The following EDAR variants were observed in gnomAD, a reference collection of about 807,000 sequenced individuals.
EDAR encodes tumor necrosis factor receptor superfamily member EDAR.
Under a neutral mutation model 51.3 loss-of-function variants are expected in EDAR, and 38 were observed. The ratio of observed to expected loss-of-function variants is 0.74; its 90% CI spans 0.57 to 0.97. EDAR has a LOEUF of 0.97. Ranked by LOEUF, EDAR falls within the 50% of genes least tolerant of loss-of-function variation. The pLI, the probability that EDAR is intolerant of heterozygous loss-of-function variation, is 0.00. For missense variants in EDAR, 528 were observed against 595.0 expected (o/e 0.89, Z 1.17); for synonymous variants, 227 against 242.1 (o/e 0.94, Z 0.58).
intron 4 of EDAR, among the ~76,000 whole-genome samples, chr2:108,928,580 G>A (rs1697301906): frequency 6.6e-6 from 1 of 152,190 alleles, no homozygotes; most frequent in Non-Finnish European, 1.5e-5. Flanking sequence ...ATGATGTGTT[G>A]TGGCCACTAG....
At chr2:108,917,501 T>C (rs1020625523) in intron 5 of EDAR, among the ~76,000 whole-genome samples, 2 of 152,192 alleles carry the variant, frequency 1.3e-5, no homozygotes, top group African/African-American at 2.4e-5. Context: ...TATACATGTA[T>C]GGAAATTTCA....
chr2:108,952,186 G>A (rs748896376), intron 1 of EDAR, among the ~76,000 whole-genome samples: 46 of 152,194 alleles, frequency 3.0e-4, no homozygotes, highest in Non-Finnish European at 4.3e-4. Flanking sequence ...AGAATTTCAG[G>A]TATGAGCACC....
intron 5 of EDAR, among the ~76,000 whole-genome samples, chr2:108,919,525 A>G (rs1417023640): frequency 1.3e-5 from 2 of 151,900 alleles, no homozygotes; most frequent in Non-Finnish European, 2.9e-5. Flanking sequence ...CGCCCAGCTA[A>G]TTTTGTATTT....
At chr2:108,920,455 A>G (rs935717202) in intron 5 of EDAR, among the ~76,000 whole-genome samples, 8 of 152,220 alleles carry the variant, frequency 5.3e-5, no homozygotes, top group Non-Finnish European at 1.2e-4. Context: ...ACAGAAAACC[A>G]GAAAGCTCTG....
At chr2:108,911,234 G>A (rs1199912436) in intron 6 of EDAR, among the ~76,000 whole-genome samples, 162 bp from the exon 7 acceptor site, 3 of 152,024 alleles carry the variant, frequency 2.0e-5, no homozygotes, top group Admixed American at 6.6e-5. Context: ...AATCCTCCGC[G>A]CTGGTTTTGG....
chr2:108,978,827 G>A (rs1338344211), intron 1 of EDAR, among the ~76,000 whole-genome samples: 1 of 152,170 alleles, frequency 6.6e-6, no homozygotes, highest in Non-Finnish European at 1.5e-5. Flanking sequence ...CAATGAAGTT[G>A]TTAGCACAGC....
At chr2:108,898,298 T>C (rs4676219) in intron 11 of EDAR, among the ~76,000 whole-genome samples, 138,738 of 151,704 alleles carry the variant, frequency 0.91, 63,512 homozygotes, top group East Asian at 1. Flanking sequence ...TAAAAACTCC[T>C]CTGCCCCCGT....
At chr2:108,955,717 A>G (rs1470235089) in intron 1 of EDAR, among the ~76,000 whole-genome samples, 1 of 150,882 alleles carries the variant, frequency 6.6e-6, no homozygotes, top group Non-Finnish European at 1.5e-5. Context: ...AAAAATAAAT[A>G]AATACAATAA....
intron 1 of EDAR, among the ~76,000 whole-genome samples, chr2:108,947,432 A>T (rs1027572344): frequency 6.6e-6 from 1 of 151,580 alleles, no homozygotes; most frequent in Non-Finnish European, 1.5e-5. Context: ...CCCAGTGGGG[A>T]CTCTGTGTGG....
rs1413316683 is a variant in EDAR at position 108,912,773 on chromosome 2, A to C, written c.443-9T>G. ...TGAAGTGGCTCCCACACCTGCAAGGAAAATAGAGTCCCTCAAATGATCCAG... is the reference window on the plus strand; with the variant it reads ...TGAAGTGGCTCCCACACCTGCAAGGCAAATAGAGTCCCTCAAATGATCCAG... On this transcript the variant is annotated splice_polypyrimidine_tract_variant and intron_variant, in intron 5 of 11. Coordinates refer to ENST00000258443, the MANE Select transcript of EDAR (RefSeq NM_022336.4). 1 of 1,581,402 alleles carries C rather than the reference A, an allele frequency of 6.3e-7. No homozygotes were observed. Among genetic ancestry groups the C allele is most frequent in the Non-Finnish European group, 8.6e-7 (1 of 1,163,448 alleles).
At position 108,896,019 on chromosome 2, in the gene EDAR, A is replaced by G. The variant is rs1043862203; in HGVS notation, c.*888T>C. ...TATAATTTAAATTGCTGTGTCCTTC[A>G]GCATTGCTGCCCCTAAAAGGTCAAA... is the stretch of plus-strand genomic sequence containing the variant. On this transcript the variant is annotated 3_prime_UTR_variant, in exon 12 of 12. Coordinates refer to ENST00000258443, the MANE Select transcript of EDAR (RefSeq NM_022336.4). The G allele has an allele frequency of 1.3e-5, 2 of 152,272 alleles. No individual in the cohort carries two copies. The highest frequency in any genetic ancestry group is 4.8e-5 in the African/African-American group (2 of 41,476). 9.4% of individuals were successfully genotyped at this position (152,272 alleles called of 1,614,324 possible). A position where few individuals can be genotyped will look rare whatever the true frequency, so the allele number is the denominator to read the frequency against.
At chr2:108,969,958 C>G (rs1370331446) in intron 1 of EDAR, among the ~76,000 whole-genome samples, 1 of 152,204 alleles carries the variant, frequency 6.6e-6, no homozygotes, top group African/African-American at 2.4e-5. Flanking sequence ...TTTCTTTAAA[C>G]ACAGTTAAAA....
At position 108,947,318 on chromosome 2, in the gene EDAR, G is replaced by C. The variant is rs116987211; in HGVS notation, c.-18-16286C>G. 1.1e-3 allele frequency among the ~76,000 whole-genome samples: 164 copies of C among 152,288 alleles called. 1 individual carries two copies. In the East Asian group the frequency reaches 0.03, roughly 28 times the overall value. On this transcript the variant is annotated intron_variant, in intron 1 of 11. Transcript: ENST00000258443. ...AACTGCTTTCATGGGCTGGTGTTGA[G>C]TGCCTGTGGATTTTCCAAGTGCATG...
chr2:108,980,169 C>T (rs1213834694), intron 1 of EDAR, among the ~76,000 whole-genome samples: 1 of 152,140 alleles, frequency 6.6e-6, no homozygotes, highest in Non-Finnish European at 1.5e-5. Context: ...CAACCTGATA[C>T]TTTACTATTT....
At chr2:108,952,878 C>T (rs1403563782) in intron 1 of EDAR, among the ~76,000 whole-genome samples, 2 of 152,228 alleles carry the variant, frequency 1.3e-5, no homozygotes, top group Admixed American at 1.3e-4. Context: ...CCTCCCAAAC[C>T]TGTCAGTCTT....
intron 8 of EDAR, 42 bp downstream of exon 8, chr2:108,910,733 TG>T: frequency 6.2e-7 from 1 of 1,604,198 alleles, no homozygotes; most frequent in Non-Finnish European, 8.5e-7. Context: ...CACCCAGAGA[TG>T]GGCACCGTGC....
At chr2:108,905,574 C>T (rs1485592735) in intron 11 of EDAR, among the ~76,000 whole-genome samples, 1 of 152,076 alleles carries the variant, frequency 6.6e-6, no homozygotes, top group Non-Finnish European at 1.5e-5. Context: ...GTGAGCTGCC[C>T]AGCATGCACC....
chr2:108,968,827 G>A (rs1046373763), intron 1 of EDAR, among the ~76,000 whole-genome samples: 2 of 152,210 alleles, frequency 1.3e-5, no homozygotes, highest in African/African-American at 2.4e-5. Context: ...ATCTCCAGGG[G>A]CGTGTACCTG....
intron 5 of EDAR, 98 bp from the exon 6 acceptor site, chr2:108,912,862 G>T (rs1696953836): frequency 9.8e-7 from 1 of 1,022,772 alleles, no homozygotes; most frequent in Admixed American, 2.0e-5. Flanking sequence ...ATCATGAATG[G>T]GCCTGAGGCA....
Sources: gnomAD v4.1 joint callset for allele counts (sites outside exome capture counted in the v4.1 genomes callset) on GRCh38, gnomAD v4.1.1 for gene constraint, MANE v1.5 for transcripts, NCBI Gene and HGNC (gene_info 2026-07-23, HGNC 2026-07-21) for gene names.